Variants in SUMF2 observed in about 807,000 individuals in gnomAD.
SUMF2 encodes the protein inactive C-alpha-formylglycine-generating enzyme 2.
A neutral mutation model predicts 44.8 loss-of-function variants in SUMF2; 45 were observed. The observed-to-expected ratio is 1.00, with a 90% CI of 0.79 to 1.29. The LOEUF (loss-of-function observed/expected upper bound fraction) is 1.29, where lower values mean the gene tolerates loss of function less well. SUMF2 is among the 50% of genes most tolerant of loss of function. The pLI is 0.00. For missense variants in SUMF2, 418 were observed against 389.9 expected, an observed-to-expected ratio of 1.07 and a Z score of -0.61; for synonymous variants, 148 against 150.4, an observed-to-expected ratio of 0.98 and a Z score of 0.12.
chr7:56,084,232 A>C, downstream of SUMF2: 1 of 1,528,806 alleles, frequency 6.5e-7, no homozygotes, highest in Non-Finnish European at 8.8e-7. Flanking sequence ...CCATTGTATC[A>C]GTGTCTTCCC....
chr7:56,077,634 G>C (rs1795652143), intron 6 of SUMF2, among the ~76,000 whole-genome samples: 1 of 150,556 alleles, frequency 6.6e-6, no homozygotes, highest in African/African-American at 2.4e-5. Context: ...CTTGGCGACA[G>C]AACGAGACCC....
At position 56,064,349 on chromosome 7, in the gene SUMF2, C is replaced by G. The variant is rs139599780; in HGVS notation, c.38C>G (p.Ser13Trp). 16 of 1,603,134 alleles carry G rather than the reference C, an allele frequency of 1.0e-5. No homozygotes were observed. The highest frequency in any genetic ancestry group is 1.4e-5 in the Non-Finnish European group (16 of 1,175,506). The change falls in exon 1 of 9, where the codon TCG (serine) becomes TGG (tryptophan). Residue 13 changes from serine (S) to tryptophan (W), a missense_variant. By Grantham distance (177) the Ser-to-Trp change is radical. Coordinates refer to ENST00000434526, the MANE Select transcript of SUMF2 (RefSeq NM_015411.4). ...GGGTTACCGCTGCTGCCCCTGCTGT[C>G]GCTCCTGGTCGGCGCGTGGCTCAAG... ...RHGLPLLPLL[S>W]LLVGAWLKLG...
downstream of SUMF2, chr7:56,081,930 G>A: frequency 6.2e-7 from 1 of 1,613,724 alleles, no homozygotes; most frequent in African/African-American, 1.3e-5. The surrounding 1 kb of genome is among the most constrained non-coding windows in gnomAD (Gnocchi z 4.6). Context: ...ATCCCACTCG[G>A]GCGAGCCAAA....
chr7:56,068,705 T>C (rs1794973892), intron 2 of SUMF2, 67 bp downstream of exon 2: 6 of 1,547,808 alleles, frequency 3.9e-6, no homozygotes, highest in Non-Finnish European at 5.2e-6. Context: ...TCTTTCTTTT[T>C]TTTTTTTTTG....
At position 56,075,110 on chromosome 7, in the gene SUMF2, G is replaced by A. The variant is rs138893178; in HGVS notation, c.535+374G>A. The stretch of plus-strand genomic sequence containing the variant: ...AAGACCCTGTCTCAAAAGAAAAAGC[G>A]GGGGGATGGGGCAGGAAGGGTCTGT... On this transcript the variant is annotated intron_variant, in intron 5 of 8. Transcript: ENST00000434526. 2.0e-5 allele frequency among the ~76,000 whole-genome samples: 3 copies of A among 152,078 alleles called. No homozygotes were observed. In the East Asian group the frequency reaches 5.8e-4, roughly 29 times the overall value.
chr7:56,087,610 G>T, the SUMF2 span: 1 of 1,613,284 alleles, frequency 6.2e-7, no homozygotes, highest in East Asian at 2.2e-5. Flanking sequence ...ATGTTGGGGT[G>T]CCCTGAGACC....
rs73343789 is a variant in SUMF2 at position 56,077,980 on chromosome 7, G to A, written c.592-122G>A. On this transcript the variant is annotated intron_variant, in intron 6 of 8. Coordinates refer to ENST00000434526, the MANE Select transcript of SUMF2 (RefSeq NM_015411.4). ...CTCTAGATAGGAATCTTAGGTCACCGCCCCGTGCCCTTCCCCTTCCCCAGA... is the reference window on the plus strand; with the variant it reads ...CTCTAGATAGGAATCTTAGGTCACCACCCCGTGCCCTTCCCCTTCCCCAGA... 1.7e-3 allele frequency: 1,347 copies of A among 770,362 alleles called. 12 individuals carry two copies. The African/African-American group carries it at 0.02, about 11-fold the overall frequency. 47.7% of individuals were successfully genotyped at this position (770,362 alleles called of 1,614,324 possible).
downstream of SUMF2, chr7:56,081,178 A>G: frequency 6.2e-7 from 1 of 1,613,764 alleles, no homozygotes; most frequent in Non-Finnish European, 8.5e-7. The surrounding 1 kb of genome is among the most constrained non-coding windows in gnomAD (Gnocchi z 4.6). Flanking sequence ...GTAGGCGTCG[A>G]TGAGCCGGCG....
rs1264916670 is a variant in SUMF2 at position 56,080,502 on chromosome 7, G to A, written c.*890G>A. On this transcript the variant is annotated 3_prime_UTR_variant, in exon 9 of 9. Transcript: ENST00000434526. Reference sequence around the variant, plus strand: ...TGGTCTCGAACTCCTGGCCTCAAGCGATCCTCCCACCTCGACCTCCCAAAG... The same window carrying A: ...TGGTCTCGAACTCCTGGCCTCAAGCAATCCTCCCACCTCGACCTCCCAAAG... 6.2e-6 allele frequency: 1 copy of A among 161,276 alleles called. No homozygotes were observed. Among genetic ancestry groups the A allele is most frequent in the Non-Finnish European group, 1.3e-5 (1 of 74,094 alleles). The allele number at this position is 161,276 out of a possible 1,614,324, so 10.0% of individuals were successfully genotyped here. A position where few individuals can be genotyped will look rare whatever the true frequency, so the allele number is the denominator to read the frequency against.
intron 1 of SUMF2, among the ~76,000 whole-genome samples, chr7:56,065,117 CG>C (rs372992005): frequency 5.9e-4 from 83 of 141,874 alleles, no homozygotes; most frequent in African/African-American, 2.0e-3. Context: ...GCGTGAACCC[CG>C]GGGGGTGGAG....
chr7:56,077,984 C>T (rs771710815), intron 6 of SUMF2, 118 bp from the exon 7 acceptor site: 40 of 810,500 alleles, frequency 4.9e-5, no homozygotes, highest in Non-Finnish European at 6.5e-5. Context: ...GTCACCGCCC[C>T]GTGCCCTTCC....
intron 5 of SUMF2, chr7:56,076,594 G>A (rs754288365): frequency 5.0e-6 from 2 of 402,506 alleles, no homozygotes; most frequent in Non-Finnish European, 8.8e-6. Context: ...TTATAAACTG[G>A]CTCAGGTCCC....
At chr7:56,066,082 C>CAAAAAAAAA (rs71015176) in intron 1 of SUMF2, among the ~76,000 whole-genome samples, 1 of 69,684 alleles carries the variant, frequency 1.4e-5, no homozygotes, top group Non-Finnish European at 2.6e-5. Flanking sequence ...CTCCGCCTCA[C>CAAAAAAAAA]AAAAAAAAAA....
the SUMF2 span, chr7:56,086,943 T>C: frequency 6.3e-7 from 1 of 1,593,852 alleles, no homozygotes; most frequent in Admixed American, 1.7e-5. Flanking sequence ...CTCTCAGGTG[T>C]GGCTTGCTCC....
At chr7:56,071,610 C>T (rs1478234316) in intron 2 of SUMF2, among the ~76,000 whole-genome samples, 1 of 150,854 alleles carries the variant, frequency 6.6e-6, no homozygotes, top group African/African-American at 2.4e-5. Flanking sequence ...CATGGTGAAA[C>T]CCCATCACTA....
intron 1 of SUMF2, among the ~76,000 whole-genome samples, chr7:56,067,545 TC>T (rs1794882952): frequency 6.6e-6 from 1 of 152,120 alleles, no homozygotes; most frequent in Non-Finnish European, 1.5e-5. Context: ...ACTTATTTTT[TC>T]TTTTATTAAT....
chr7:56,087,648 G>T, the SUMF2 span: 1 of 1,613,964 alleles, frequency 6.2e-7, no homozygotes, highest in South Asian at 1.1e-5. Flanking sequence ...CTCCTTCAGC[G>T]TGGCTTCTCG....
downstream of SUMF2, chr7:56,081,051 C>T (rs764808472): frequency 1.1e-5 from 18 of 1,611,876 alleles, no homozygotes; most frequent in African/African-American, 1.3e-5. This position sits in a 1 kb window ranked among gnomAD's most constrained non-coding sequence, Gnocchi z 4.6. Context: ...ACTGGCCAGC[C>T]CCTCAGTAGT....
At chr7:56,081,782 G>GGC (rs199775883), downstream of SUMF2, 74,450 of 1,610,112 alleles carry the variant, frequency 0.046, 2,548 homozygotes, top group East Asian at 0.2. The surrounding 1 kb of genome is among the most constrained non-coding windows in gnomAD (Gnocchi z 4.6). Context: ...GGGGAACCGA[G>GGC]AATGTCAAGG....
Sources: allele counts gnomAD v4.1 joint callset (sites outside exome capture counted in the v4.1 genomes callset), GRCh38; gene constraint gnomAD v4.1.1; non-coding constraint Gnocchi (gnomAD v3.1); transcripts MANE v1.5; gene names NCBI Gene and HGNC (gene_info 2026-07-23, HGNC 2026-07-21).